PDIA5: variants seen among roughly 807,000 people sequenced by gnomAD.
PDIA5 encodes the protein protein disulfide isomerase family A member 5.
PDIA5 carries 58 observed loss-of-function variants against 77.6 expected under a neutral mutation model. The ratio of observed to expected loss-of-function variants is 0.75; its 90% confidence interval spans 0.61 to 0.93. The LOEUF is 0.93. PDIA5 is among the 40% of genes least tolerant of loss of function. The pLI is 0.00. For synonymous variants in PDIA5, 250 were observed against 252.1 expected (o/e 0.99, Z 0.08); for missense variants, 630 against 647.7 (o/e 0.97, Z 0.30).
intron 13 of PDIA5, 44 bp from the exon 14 acceptor site, chr3:123,150,190 A>G (rs1292917209): frequency 1.3e-6 from 2 of 1,538,202 alleles, no homozygotes; most frequent in Non-Finnish European, 1.8e-6. Flanking sequence ...CCATCTAAAA[A>G]TCTCTCCTTA....
At chr3:123,109,068 C>CT (rs1934806419) in intron 6 of PDIA5, among the ~76,000 whole-genome samples, 1 of 152,232 alleles carries the variant, frequency 6.6e-6, no homozygotes. Flanking sequence ...ATGTCCTGAC[C>CT]TTCCTAAGGT....
chr3:123,117,445 G>GA (rs1164660387), intron 8 of PDIA5, among the ~76,000 whole-genome samples: 1 of 142,020 alleles, frequency 7.0e-6, no homozygotes, highest in African/African-American at 2.6e-5. Context: ...GGTTGGACTT[G>GA]AGCTCCTGAG....
intron 14 of PDIA5, among the ~76,000 whole-genome samples, chr3:123,151,191 GC>G (rs1305657000): frequency 6.6e-6 from 1 of 152,162 alleles, no homozygotes. Flanking sequence ...CACAGCCTCA[GC>G]CCCTCCTTGA....
intron 1 of PDIA5, among the ~76,000 whole-genome samples, chr3:123,081,129 C>T (rs1048254379): frequency 6.6e-6 from 1 of 152,148 alleles, no homozygotes; most frequent in Non-Finnish European, 1.5e-5. Context: ...GCTTTTATTG[C>T]GGGTGGCCAC....
At chr3:123,154,913 C>T (rs1455670575) in intron 14 of PDIA5, 58 bp from the exon 15 acceptor site, 22 of 1,173,574 alleles carry the variant, frequency 1.9e-5, no homozygotes, top group Admixed American at 3.4e-5. Flanking sequence ...GTCCCTGGCC[C>T]TGCAGCCTCC....
chr3:123,139,511 C>G (rs148773213), intron 11 of PDIA5, among the ~76,000 whole-genome samples: 1 of 152,290 alleles, frequency 6.6e-6, no homozygotes, highest in East Asian at 1.9e-4. Flanking sequence ...TTAACAATAT[C>G]AAGAGAATTC....
intron 5 of PDIA5, among the ~76,000 whole-genome samples, chr3:123,104,953 C>T (rs893566433): frequency 6.6e-6 from 1 of 152,226 alleles, no homozygotes; most frequent in African/African-American, 2.4e-5. Context: ...GGTTATTCAG[C>T]TTCAGTTAAG....
rs558843538 is a variant in PDIA5, at chr3:123,076,188, T to G, written c.42+8982T>G. 7.9e-5 allele frequency among the ~76,000 whole-genome samples: 12 copies of G among 152,270 alleles called. No individual in the cohort carries two copies. The South Asian group carries it at 1.9e-3, about 24-fold the overall frequency. On this transcript the variant is annotated intron_variant, in intron 1 of 16. Coordinates refer to ENST00000316218, the MANE Select transcript of PDIA5 (RefSeq NM_006810.4). Reference sequence around the variant, plus strand: ...CGGGGAGTGGATGATGCTCCAGGGATGTCTGTGGGAACTATTCACATTGAC... The same window carrying G: ...CGGGGAGTGGATGATGCTCCAGGGAGGTCTGTGGGAACTATTCACATTGAC...
chr3:123,147,378 T>TTAGGACATCAACA (rs1657525953), intron 13 of PDIA5, among the ~76,000 whole-genome samples: 1 of 152,100 alleles, frequency 6.6e-6, no homozygotes, highest in African/African-American at 2.4e-5. Context: ...ATAATGGGGG[T>TTAGGACATCAACA]TAGGACATCA....
At chr3:123,116,655 A>G (rs935246013) in intron 8 of PDIA5, among the ~76,000 whole-genome samples, 17 of 152,206 alleles carry the variant, frequency 1.1e-4, no homozygotes, top group Admixed American at 7.9e-4. Flanking sequence ...GGCAGCTGCT[A>G]TGGAGCCCAG....
chr3:123,080,886 CTATCT>C lies in PDIA5; in HGVS notation c.43-8278_43-8274del, dbSNP rs142356167. ...GTGGTGTCAGGGACCCAGGTAACGT[CTATCT>C]TATTAGCTCCTCTTTAGCAGGCCCT... On this transcript the variant is annotated intron_variant, in intron 1 of 16. Transcript: ENST00000316218. Among the ~76,000 whole-genome samples, 1,013 of 152,254 alleles carry C rather than the reference CTATCT, an allele frequency of 6.7e-3. 13 individuals are homozygous for C. The highest frequency in any genetic ancestry group is 0.023 in the African/African-American group (956 of 41,538).
chr3:123,115,402 C>G (rs778194743), intron 7 of PDIA5, among the ~76,000 whole-genome samples: 2 of 152,082 alleles, frequency 1.3e-5, no homozygotes, highest in African/African-American at 4.8e-5. Context: ...GTTCAAGGCC[C>G]CCTATCAAGG....
intron 3 of PDIA5, among the ~76,000 whole-genome samples, chr3:123,101,245 C>T (rs1251377522): frequency 1.3e-5 from 2 of 152,220 alleles, no homozygotes; most frequent in African/African-American, 2.4e-5. Context: ...GTTGTTCAAA[C>T]CCAATTGCTC....
intron 1 of PDIA5, among the ~76,000 whole-genome samples, chr3:123,085,482 G>C (rs1934114053): frequency 6.6e-6 from 1 of 152,216 alleles, no homozygotes; most frequent in Non-Finnish European, 1.5e-5. Flanking sequence ...GGGCTTGGCT[G>C]ACTGGCTGGA....
intron 13 of PDIA5, among the ~76,000 whole-genome samples, chr3:123,149,850 G>A (rs1328808070): frequency 6.6e-6 from 1 of 152,150 alleles, no homozygotes; most frequent in Non-Finnish European, 1.5e-5. Context: ...CTGAGAACCA[G>A]AAGATAATGA....
intron 3 of PDIA5, among the ~76,000 whole-genome samples, chr3:123,094,719 C>T (rs980803644): frequency 2.6e-5 from 4 of 152,238 alleles, no homozygotes; most frequent in African/African-American, 4.8e-5. Context: ...GTAGGTGGCA[C>T]GGGGCCATGC....
chr3:123,136,725 CAAAAAAAAAAAAA>C lies in PDIA5; in HGVS notation c.910+6121_910+6133del, dbSNP rs59022235. ...TTGCACTCCAGCCTGGGTGACAAGA[CAAAAAAAAAAAAA>C]AAAAAAAAAAAGGGGGTTGGGTTTT... On this transcript the variant is annotated intron_variant, in intron 11 of 16. Transcript: ENST00000316218. 3.8e-4 allele frequency among the ~76,000 whole-genome samples: 27 copies of C among 71,534 alleles called. No individual in the cohort carries two copies. In the East Asian group the frequency reaches 0.011, roughly 28 times the overall value. The allele number at this position is 71,534 out of a possible 152,430, so 46.9% of individuals were successfully genotyped here.
chr3:123,150,487 C>T, intron 14 of PDIA5, 123 bp downstream of exon 14: 1 of 849,376 alleles, frequency 1.2e-6, no homozygotes, highest in Non-Finnish European at 1.8e-6. Flanking sequence ...GGGTCATCTC[C>T]ATTATGAACC....
At chr3:123,102,674 A>T in intron 4 of PDIA5, 77 bp from the exon 5 acceptor site, 1 of 1,255,130 alleles carries the variant, frequency 8.0e-7, no homozygotes, top group Non-Finnish European at 1.2e-6. Flanking sequence ...AATCTTATTA[A>T]GATGCTGCAG....
Sources: gnomAD v4.1 joint callset for allele counts (sites outside exome capture counted in the v4.1 genomes callset) on GRCh38, gnomAD v4.1.1 for gene constraint, MANE v1.5 for transcripts, NCBI Gene and HGNC (gene_info 2026-07-23, HGNC 2026-07-21) for gene names.